BMPER: variants seen among roughly 807,000 people sequenced by gnomAD.
BMPER encodes the protein BMP binding endothelial regulator, also known as BMP-binding endothelial regulator protein.
BMPER carries 45 observed loss-of-function variants against 87.3 expected under a neutral mutation model. That is an observed-to-expected ratio of 0.52 (90% confidence interval 0.41 to 0.66). BMPER has a LOEUF of 0.66. Ranked by LOEUF, BMPER falls within the 30% of genes least tolerant of loss-of-function variation. The pLI is 0.00. For missense variants in BMPER, 784 were observed against 867.5 expected, an observed-to-expected ratio of 0.90 and a Z score of 1.21; for synonymous variants, 326 against 316.2, an observed-to-expected ratio of 1.03 and a Z score of -0.33.
chr7:33,996,027 A>T (rs1786400999), intron 6 of BMPER, among the ~76,000 whole-genome samples: 1 of 152,206 alleles, frequency 6.6e-6, no homozygotes, highest in African/African-American at 2.4e-5. Flanking sequence ...GGCAAACAAT[A>T]CCCAGAAACC....
At chr7:33,959,941 A>G (rs945227428) in intron 3 of BMPER, among the ~76,000 whole-genome samples, 4 of 152,202 alleles carry the variant, frequency 2.6e-5, no homozygotes, top group Non-Finnish European at 4.4e-5. Context: ...TGAATTTGCA[A>G]GTGATTCACT....
In BMPER at chr7:33,910,550, C is replaced by T. The variant is rs550598862; in HGVS notation, c.219+3647C>T. On this transcript the variant is annotated intron_variant, in intron 2 of 14. Coordinates refer to ENST00000649409, the MANE Select transcript of BMPER (RefSeq NM_001365308.1). ...TGGAAACCTGAGAAAACTTTGGAGG[C>T]TGGGACTCAGAAAACCCGAAGTCAG... is the stretch of plus-strand genomic sequence containing the variant. Among the ~76,000 whole-genome samples, 7 of 152,318 alleles carry T rather than the reference C, an allele frequency of 4.6e-5. No individual in the cohort carries two copies. The South Asian group carries it at 1.4e-3, about 32-fold the overall frequency.
intron 3 of BMPER, among the ~76,000 whole-genome samples, chr7:33,946,554 G>T (rs573625351): frequency 6.6e-6 from 1 of 152,276 alleles, no homozygotes; most frequent in African/African-American, 2.4e-5. Context: ...AATCACCTGG[G>T]GAACTTGTTA....
intron 2 of BMPER, among the ~76,000 whole-genome samples, chr7:33,920,147 C>T (rs1784184881): frequency 6.6e-6 from 1 of 152,174 alleles, no homozygotes; most frequent in Non-Finnish European, 1.5e-5. Context: ...ATCCCCTTCC[C>T]TGGGCCTCTG....
chr7:34,024,866 C>G (rs1418628554), intron 6 of BMPER, among the ~76,000 whole-genome samples: 5 of 151,926 alleles, frequency 3.3e-5, no homozygotes, highest in African/African-American at 1.2e-4. Context: ...ATGCAATGAA[C>G]TTGTTTTTAG....
At chr7:33,939,077 A>T (rs187021060) in intron 3 of BMPER, among the ~76,000 whole-genome samples, 1 of 152,226 alleles carries the variant, frequency 6.6e-6, no homozygotes, top group Admixed American at 6.5e-5. Context: ...TGTTGGAGGG[A>T]CCAACTTGGA....
intron 4 of BMPER, among the ~76,000 whole-genome samples, chr7:33,968,253 T>G (rs889240518): frequency 7.9e-5 from 12 of 152,152 alleles, no homozygotes; most frequent in Admixed American, 3.3e-4. Flanking sequence ...CTAGCTAGGA[T>G]AATATTTTAT....
chr7:33,974,799 G>A lies in BMPER; in HGVS notation c.576+15G>A, dbSNP rs771111823. On this transcript the variant is annotated intron_variant, in intron 6 of 14. Transcript: ENST00000649409. ...GTTCCTGCACTGTAAGTCCTGCTGT[G>A]GATGTTCCCAGGGTGTCCTTTGGGC... The A allele has an allele frequency of 4.3e-6, 7 of 1,612,500 alleles. No homozygotes were observed. In the East Asian group the frequency reaches 1.1e-4, roughly 26 times the overall value.
chr7:34,138,515 T>A (rs1430696721), intron 13 of BMPER, among the ~76,000 whole-genome samples: 2 of 152,180 alleles, frequency 1.3e-5, no homozygotes, highest in Admixed American at 1.3e-4. Context: ...TGAGCAGCTG[T>A]GTTAACCACA....
chr7:33,953,236 G>A (rs1785069056), intron 3 of BMPER, among the ~76,000 whole-genome samples: 1 of 152,222 alleles, frequency 6.6e-6, no homozygotes, highest in African/African-American at 2.4e-5. Context: ...GCCACACAGA[G>A]GAGCTGAAGG....
At chr7:34,075,100 C>T (rs76917448) in intron 11 of BMPER, among the ~76,000 whole-genome samples, 11,496 of 152,006 alleles carry the variant, frequency 0.076, 688 homozygotes, top group African/African-American at 0.17. Flanking sequence ...AGAAGAAAGG[C>T]ATTTCATTAG....
intron 2 of BMPER, among the ~76,000 whole-genome samples, chr7:33,931,077 C>T (rs888854822): frequency 6.6e-6 from 1 of 152,182 alleles, no homozygotes; most frequent in African/African-American, 2.4e-5. Flanking sequence ...TTACCCAAGT[C>T]CTGGGTAATC....
chr7:34,132,543 G>T (rs897354230), intron 13 of BMPER, among the ~76,000 whole-genome samples: 1 of 152,202 alleles, frequency 6.6e-6, no homozygotes, highest in African/African-American at 2.4e-5. Context: ...TATTCTCTTG[G>T]TGTTTGTTGA....
At chr7:33,925,908 G>A (rs1235635558) in intron 2 of BMPER, among the ~76,000 whole-genome samples, 1 of 152,174 alleles carries the variant, frequency 6.6e-6, no homozygotes, top group East Asian at 1.9e-4. Flanking sequence ...GCCACGTAGT[G>A]TCTAAAGAAC....
At chr7:34,086,623 T>C (rs1789218149) in intron 13 of BMPER, among the ~76,000 whole-genome samples, 1 of 152,222 alleles carries the variant, frequency 6.6e-6, no homozygotes, top group African/African-American at 2.4e-5. Context: ...TGGCCAACTG[T>C]GAGACTTCAC....
intron 6 of BMPER, among the ~76,000 whole-genome samples, chr7:34,003,365 T>G (rs975932082): frequency 6.6e-6 from 1 of 151,986 alleles, no homozygotes; most frequent in African/African-American, 2.4e-5. Context: ...TGTTCCAATA[T>G]ATCTCTATTT....
rs1006264089 is a variant in BMPER, at chr7:34,155,410, C to T, written c.*2137C>T. The T allele has an allele frequency of 5.9e-5, 9 of 151,986 alleles. No homozygotes were observed. The highest frequency in any genetic ancestry group is 1.2e-4 in the Non-Finnish European group (8 of 68,004). 9.4% of individuals were successfully genotyped at this position (151,986 alleles called of 1,614,324 possible). ...GAGTTATTCTCCCCATGAGGCTAACCGGCCTCTTTCCCAACACTTAATCAT... is the reference window on the plus strand; with the variant it reads ...GAGTTATTCTCCCCATGAGGCTAACTGGCCTCTTTCCCAACACTTAATCAT... On this transcript the variant is annotated 3_prime_UTR_variant, in exon 15 of 15. Coordinates refer to ENST00000649409, the MANE Select transcript of BMPER (RefSeq NM_001365308.1).
chr7:34,015,019 C>T (rs976197891), intron 6 of BMPER, among the ~76,000 whole-genome samples: 2 of 151,852 alleles, frequency 1.3e-5, no homozygotes, highest in Non-Finnish European at 2.9e-5. Context: ...ATTGAATACT[C>T]TTGTGATTTC....
chr7:34,109,598 A>G (rs1789909597), intron 13 of BMPER, among the ~76,000 whole-genome samples: 1 of 152,222 alleles, frequency 6.6e-6, no homozygotes, highest in South Asian at 2.1e-4. Context: ...GGTATAATAA[A>G]CAAAATAGTA....
Sources: allele counts gnomAD v4.1 joint callset (sites outside exome capture counted in the v4.1 genomes callset), GRCh38; gene constraint gnomAD v4.1.1; transcripts MANE v1.5; gene names NCBI Gene and HGNC (gene_info 2026-07-23, HGNC 2026-07-21).